The following DIAPH3 variants were observed in gnomAD, a reference collection of about 807,000 sequenced individuals.
The protein encoded by DIAPH3 is diaphanous related formin 3.
In DIAPH3, 117 loss-of-function variants were observed where a neutral mutation model predicts 144.3. The observed-to-expected ratio is 0.81, with a 90% CI of 0.70 to 0.95. The LOEUF is 0.95. DIAPH3 is among the 40% of genes least tolerant of loss of function. The pLI is 0.00. For synonymous variants in DIAPH3, 519 were observed against 488.9 expected (o/e 1.06, Z -0.81); for missense variants, 1,421 against 1,412.7 (o/e 1.01, Z -0.09).
chr13:59,878,551 T>C lies in DIAPH3; in HGVS notation c.2607+678A>G, dbSNP rs529785956. On this transcript the variant is annotated intron_variant, in intron 21 of 27. Coordinates refer to ENST00000400324, the MANE Select transcript of DIAPH3 (RefSeq NM_001042517.2). ...CTGAGAAGAATTTGTTGTAAGCAGA[T>C]CAATAAAGCCCTATTACTATGGCCC... Among the ~76,000 whole-genome samples the C allele has an allele frequency of 2.6e-5, 4 of 152,030 alleles. No individual in the cohort carries two copies. In the South Asian group the frequency reaches 8.3e-4, roughly 32 times the overall value.
At chr13:59,835,796 A>T (rs904150957) in intron 23 of DIAPH3, among the ~76,000 whole-genome samples, 1 of 151,798 alleles carries the variant, frequency 6.6e-6, no homozygotes, top group Non-Finnish European at 1.5e-5. Context: ...TTTACTTCCT[A>T]GTCGCCACAG....
intron 12 of DIAPH3, among the ~76,000 whole-genome samples, chr13:59,984,864 T>A (rs9528047): frequency 0.53 from 55,871 of 105,132 alleles, 15,318 homozygotes; most frequent in Admixed American, 0.58. Context: ...CAGGACCAGA[T>A]GGATTCACAG....
intron 25 of DIAPH3, among the ~76,000 whole-genome samples, chr13:59,785,479 C>T (rs946165444): frequency 6.6e-6 from 1 of 152,160 alleles, no homozygotes; most frequent in Non-Finnish European, 1.5e-5. Flanking sequence ...CTTGTGCCTC[C>T]TCATACCTAT....
intron 17 of DIAPH3, among the ~76,000 whole-genome samples, chr13:59,942,566 C>T (rs537303798): frequency 2.0e-5 from 3 of 151,994 alleles, no homozygotes; most frequent in African/African-American, 4.8e-5. Flanking sequence ...TATAGAAGTA[C>T]AATTTTTAAA....
At chr13:60,075,079 A>AT (rs1566741730) in intron 4 of DIAPH3, among the ~76,000 whole-genome samples, 1 of 152,148 alleles carries the variant, frequency 6.6e-6, no homozygotes, top group Non-Finnish European at 1.5e-5. Flanking sequence ...GTTTGCATTG[A>AT]TATATATTTC....
chr13:59,904,811 G>A (rs1206382706), intron 20 of DIAPH3, among the ~76,000 whole-genome samples: 2 of 151,972 alleles, frequency 1.3e-5, no homozygotes, highest in African/African-American at 4.8e-5. Flanking sequence ...CAAGAGTAGC[G>A]CTATAGAACA....
At chr13:59,733,096 G>T (rs777887795) in intron 27 of DIAPH3, among the ~76,000 whole-genome samples, 3 of 151,918 alleles carry the variant, frequency 2.0e-5, no homozygotes, top group East Asian at 1.9e-4. Context: ...CAATCTTTAG[G>T]TTCCTTCATT....
intron 17 of DIAPH3, among the ~76,000 whole-genome samples, chr13:59,926,013 T>C (rs1238229581): frequency 6.6e-6 from 1 of 152,152 alleles, no homozygotes; most frequent in African/African-American, 2.4e-5. Flanking sequence ...TGAGACAGGG[T>C]CTCACTCTGT....
At chr13:60,086,218 C>A (rs1418259141) in intron 4 of DIAPH3, among the ~76,000 whole-genome samples, 1 of 152,052 alleles carries the variant, frequency 6.6e-6, no homozygotes, top group African/African-American at 2.4e-5. Context: ...CCTACCTAAA[C>A]AAAAACACAA....
At chr13:59,809,923 T>C (rs2040387045) in intron 25 of DIAPH3, among the ~76,000 whole-genome samples, 1 of 152,162 alleles carries the variant, frequency 6.6e-6, no homozygotes, top group African/African-American at 2.4e-5. Context: ...GTTCAATCCT[T>C]ACTGACTTGG....
intron 27 of DIAPH3, among the ~76,000 whole-genome samples, chr13:59,721,316 T>C (rs2035331520): frequency 6.6e-6 from 1 of 152,216 alleles, no homozygotes; most frequent in Admixed American, 6.5e-5. Context: ...GATAGGGATA[T>C]GTAACTTAAT....
Position 60,078,027 on chromosome 13 carries a change from C to T in DIAPH3, c.495+15601G>A, listed in dbSNP as rs145309992. On this transcript the variant is annotated intron_variant, in intron 4 of 27. Transcript: ENST00000400324. ...AGTCTCCATTAAAACAGATTGTATA[C>T]CTGCTCATGAAATGAAAACTGAGTC... Among the ~76,000 whole-genome samples the T allele has an allele frequency of 1.9e-3, 290 of 152,118 alleles. 2 individuals are homozygous for T. The highest frequency in any genetic ancestry group is 6.8e-3 in the Middle Eastern group (2 of 294).
intron 18 of DIAPH3, among the ~76,000 whole-genome samples, chr13:59,920,317 G>A (rs946329072): frequency 2.5e-4 from 38 of 151,716 alleles, no homozygotes; most frequent in Admixed American, 9.2e-4. Flanking sequence ...AACTTCACCC[G>A]TAAAGACACA....
intron 5 of DIAPH3, among the ~76,000 whole-genome samples, chr13:60,028,617 A>G (rs2054555050): frequency 6.6e-6 from 1 of 151,996 alleles, no homozygotes; most frequent in Admixed American, 6.6e-5. Flanking sequence ...CCTTCTCCAT[A>G]CAACCTGCCC....
chr13:59,806,401 G>A (rs543974157), intron 25 of DIAPH3, among the ~76,000 whole-genome samples: 1 of 152,052 alleles, frequency 6.6e-6, no homozygotes, highest in East Asian at 1.9e-4. Flanking sequence ...ATATAGTACA[G>A]CTTATAAGCC....
intron 4 of DIAPH3, among the ~76,000 whole-genome samples, chr13:60,077,507 T>C (rs1313801185): frequency 6.6e-6 from 1 of 152,138 alleles, no homozygotes; most frequent in African/African-American, 2.4e-5. Context: ...TAAAATTAAT[T>C]TATGACCTCA....
chr13:59,933,364 C>T (rs1450241656), intron 17 of DIAPH3, among the ~76,000 whole-genome samples: 2 of 152,208 alleles, frequency 1.3e-5, no homozygotes, highest in Non-Finnish European at 2.9e-5. Flanking sequence ...TAAATACCTT[C>T]ATGTAACCCT....
At chr13:59,806,279 C>T (rs1422677713) in intron 25 of DIAPH3, among the ~76,000 whole-genome samples, 3 of 152,000 alleles carry the variant, frequency 2.0e-5, no homozygotes, top group East Asian at 3.9e-4. Context: ...AAAATTTCTA[C>T]GAAGATTTGA....
At chr13:59,835,858 G>A (rs2042020107) in intron 23 of DIAPH3, among the ~76,000 whole-genome samples, 1 of 151,706 alleles carries the variant, frequency 6.6e-6, no homozygotes, top group South Asian at 2.1e-4. Flanking sequence ...TGTACATTAT[G>A]CAGTGTAGAA....
Sources: gnomAD v4.1 joint callset for allele counts (sites outside exome capture counted in the v4.1 genomes callset) on GRCh38, gnomAD v4.1.1 for gene constraint, MANE v1.5 for transcripts, NCBI Gene and HGNC (gene_info 2026-07-23, HGNC 2026-07-21) for gene names.